The following CUBN variants were observed in gnomAD, a reference collection of about 807,000 sequenced individuals.
The protein encoded by CUBN is 460 kDa receptor.
In CUBN, 282 loss-of-function variants were observed where a neutral mutation model predicts 405.3. The observed-to-expected ratio is 0.70, with a 90% CI of 0.63 to 0.77. The LOEUF (loss-of-function observed/expected upper bound fraction) is 0.77. Ranked by LOEUF, CUBN falls within the 30% of genes least tolerant of loss-of-function variation. The pLI, the probability that CUBN is intolerant of heterozygous loss-of-function variation, is 0.00. For synonymous variants in CUBN, 1,684 were observed against 1,617.0 expected (o/e 1.04, Z -0.99); for missense variants, 4,514 against 4,475.2 (o/e 1.01, Z -0.25).
chr10:16,934,390 G>C (rs557611887), intron 39 of CUBN, among the ~76,000 whole-genome samples: 1 of 152,246 alleles, frequency 6.6e-6, no homozygotes, highest in South Asian at 2.1e-4. Flanking sequence ...AATCTTATCA[G>C]GGCCAACAGG....
intron 3 of CUBN, among the ~76,000 whole-genome samples, chr10:17,127,367 G>A (rs1420093755): frequency 6.9e-6 from 1 of 144,772 alleles, no homozygotes; most frequent in African/African-American, 2.5e-5. Flanking sequence ...CCTGGCTCAA[G>A]CCATCCTCCC....
intron 31 of CUBN, among the ~76,000 whole-genome samples, chr10:16,973,338 G>A (rs1327256944): frequency 6.6e-6 from 1 of 152,036 alleles, no homozygotes. Flanking sequence ...GAATGATGTC[G>A]GCCATTTTCA....
intron 59 of CUBN, among the ~76,000 whole-genome samples, chr10:16,860,886 T>C (rs1489061485): frequency 1.3e-5 from 2 of 152,146 alleles, no homozygotes; most frequent in African/African-American, 4.8e-5. Flanking sequence ...CAAAACATCA[T>C]CCCCACAGGT....
chr10:17,003,100 A>G (rs1225141944), intron 28 of CUBN, among the ~76,000 whole-genome samples: 1 of 152,232 alleles, frequency 6.6e-6, no homozygotes, highest in Non-Finnish European at 1.5e-5. Flanking sequence ...GTCAGCATTT[A>G]GGGAAATATC....
At chr10:16,887,935 G>T (rs1840869563) in intron 56 of CUBN, among the ~76,000 whole-genome samples, 1 of 152,198 alleles carries the variant, frequency 6.6e-6, no homozygotes. Context: ...CAACATGGAT[G>T]AACCTGGAGG....
At chr10:17,103,313 T>A in intron 12 of CUBN, 76 bp from the exon 13 acceptor site, 1 of 888,038 alleles carries the variant, frequency 1.1e-6, no homozygotes. Context: ...ACCCTGCTGC[T>A]GATAAACTTA....
intron 64 of CUBN, among the ~76,000 whole-genome samples, chr10:16,833,672 C>T (rs1051325356): frequency 6.6e-6 from 1 of 152,064 alleles, no homozygotes; most frequent in Non-Finnish European, 1.5e-5. Flanking sequence ...GAAAGAAAGC[C>T]CTTGGTGCTA....
At chr10:16,907,250 A>G (rs531544990) in intron 49 of CUBN, among the ~76,000 whole-genome samples, 1 of 152,372 alleles carries the variant, frequency 6.6e-6, no homozygotes, top group Admixed American at 6.5e-5. Context: ...TCATGGTAAC[A>G]TGACCTGAAA....
At chr10:17,112,235 G>C (rs1836787696) in intron 8 of CUBN, among the ~76,000 whole-genome samples, 1 of 151,836 alleles carries the variant, frequency 6.6e-6, no homozygotes, top group African/African-American at 2.4e-5. Context: ...CTCTGCCTAA[G>C]AAAATTATCA....
chr10:16,965,591 A>T (rs1843369602), intron 31 of CUBN: 1 of 152,900 alleles, frequency 6.5e-6, no homozygotes, highest in African/African-American at 2.4e-5. Flanking sequence ...AAAAAAAAAA[A>T]ACAGGAATAT....
At chr10:16,960,844 C>T (rs1843198896) in intron 31 of CUBN, among the ~76,000 whole-genome samples, 1 of 152,094 alleles carries the variant, frequency 6.6e-6, no homozygotes, top group Non-Finnish European at 1.5e-5. Flanking sequence ...TGAAGGGGCC[C>T]AACCACAGGG....
rs1588623316 is a variant in CUBN at position 16,890,527 on chromosome 10, C to T, written c.8599G>A (p.Val2867Met). The change falls in exon 55 of 67, where the codon GTG becomes ATG. Residue 2867 changes from valine to methionine, a missense_variant and splice_region_variant. This residue lies in a region of CUBN where 1,186 missense variants were observed against 1,186.9 expected (regional missense o/e 1.00). Coordinates refer to ENST00000377833, the MANE Select transcript of CUBN (RefSeq NM_001081.4). ...DGQCQNSFVK[V>M]WAGTEEVDKA... is the part of the protein sequence containing the mutation. ...TCCACCTCCTCAGTTCCTGCCCACA[C>T]CTAGCACGGACATACACAGAACTTT... 1.2e-6 allele frequency: 2 copies of T among 1,614,156 alleles called. No homozygotes were observed. The highest frequency in any genetic ancestry group is 1.7e-6 in the Non-Finnish European group (2 of 1,180,020).
chr10:16,971,170 A>G (rs1296417193), intron 31 of CUBN, among the ~76,000 whole-genome samples: 2 of 152,224 alleles, frequency 1.3e-5, no homozygotes, highest in Non-Finnish European at 2.9e-5. Flanking sequence ...CTCTTTGCTA[A>G]TAACTCTGTC....
At chr10:16,900,512 G>T in intron 53 of CUBN, 113 bp downstream of exon 53, 1 of 846,630 alleles carries the variant, frequency 1.2e-6, no homozygotes, top group Non-Finnish European at 2.0e-6. Flanking sequence ...GAGATGACAT[G>T]TGCAAATATT....
At position 16,861,592 on chromosome 10, in the gene CUBN, T is replaced by C. The variant is rs529163110; in HGVS notation, c.9454+8044A>G. Among the ~76,000 whole-genome samples, 17 of 151,476 alleles carry C rather than the reference T, an allele frequency of 1.1e-4. No homozygotes were observed. In the East Asian group the frequency reaches 2.9e-3, roughly 26 times the overall value. On this transcript the variant is annotated intron_variant, in intron 59 of 66. Transcript: ENST00000377833. The stretch of plus-strand genomic sequence containing the variant: ...AGGTCATTATTATTAGTGTACTGTT[T>C]TTACAGATAAAAAAAAAAATCAAGA...
At chr10:17,113,834 G>A (rs1454891109) in intron 8 of CUBN, among the ~76,000 whole-genome samples, 193 bp downstream of exon 8, 1 of 152,200 alleles carries the variant, frequency 6.6e-6, no homozygotes, top group African/African-American at 2.4e-5. Context: ...CTCTAGCACA[G>A]TTTTGGACAA....
chr10:16,966,652 T>A (rs1843399981), intron 31 of CUBN, among the ~76,000 whole-genome samples: 1 of 152,198 alleles, frequency 6.6e-6, no homozygotes, highest in African/African-American at 2.4e-5. Context: ...TCTCACCATG[T>A]TGGCCAGGCT....
Position 17,012,236 on chromosome 10 carries a change from T to A in CUBN, c.4168+7597A>T, listed in dbSNP as rs531892753. Among the ~76,000 whole-genome samples the A allele has an allele frequency of 2.0e-5, 3 of 152,294 alleles. No homozygotes were observed. In the East Asian group the frequency reaches 5.8e-4, roughly 29 times the overall value. On this transcript the variant is annotated intron_variant, in intron 28 of 66. Coordinates refer to ENST00000377833, the MANE Select transcript of CUBN (RefSeq NM_001081.4). Reference sequence around the variant, plus strand: ...GGCCCGAAGGCAAGTAATAGCAAGATGGCTGCCATGGGACCTAGAAAGGGG... The same window carrying A: ...GGCCCGAAGGCAAGTAATAGCAAGAAGGCTGCCATGGGACCTAGAAAGGGG...
intron 14 of CUBN, among the ~76,000 whole-genome samples, chr10:17,097,588 A>G (rs776529156): frequency 1.3e-5 from 2 of 152,200 alleles, no homozygotes; most frequent in East Asian, 3.8e-4. Flanking sequence ...ACAAAAGAAT[A>G]TCACCCAAAT....
Sources: allele counts gnomAD v4.1 joint callset (sites outside exome capture counted in the v4.1 genomes callset), GRCh38; gene constraint gnomAD v4.1.1; regional missense constraint gnomAD v4.1.1; transcripts MANE v1.5; gene names NCBI Gene and HGNC (gene_info 2026-07-23, HGNC 2026-07-21).